Variants in MRAP observed in about 807,000 individuals in gnomAD.
MRAP encodes melanocortin-2 receptor accessory protein.
A neutral mutation model predicts 8.7 loss-of-function variants in MRAP; 8 were observed. The observed-to-expected ratio is 0.92, with a 90% CI of 0.54 to 1.66. The LOEUF is 1.66. Among genes scored for constraint, MRAP ranks in the 40% most tolerant of loss-of-function variants. The probability of loss-of-function intolerance (pLI) is 0.00; values close to 1 mark genes in which losing one functional copy is unlikely to be tolerated. For synonymous variants in MRAP, 95 were observed against 95.5 expected (o/e 1.00, Z 0.03); for missense variants, 237 against 217.1 (o/e 1.09, Z -0.58).
chr21:32,304,425 C>T (rs1164283961), intron 1 of MRAP, among the ~76,000 whole-genome samples: 1 of 151,900 alleles, frequency 6.6e-6, no homozygotes, highest in Non-Finnish European at 1.5e-5. Flanking sequence ...GACCATCCTG[C>T]CCAACATGGT....
chr21:32,298,742 G>C, upstream of MRAP: 1 of 491,172 alleles, frequency 2.0e-6, no homozygotes, highest in Non-Finnish European at 3.8e-6. Flanking sequence ...GTTTTATCAA[G>C]AAGGGGCAGA....
chr21:32,306,966 A>C (rs376050367), intron 2 of MRAP: 3 of 592,470 alleles, frequency 5.1e-6, no homozygotes, highest in East Asian at 3.1e-5. Flanking sequence ...AGTATGTTGC[A>C]GATTTTGCAG....
intron 1 of MRAP, among the ~76,000 whole-genome samples, chr21:32,305,357 G>A (rs1243694936): frequency 1.3e-5 from 2 of 152,054 alleles, no homozygotes; most frequent in African/African-American, 2.4e-5. Context: ...ATCTCTCAGG[G>A]GTCGTAGATG....
downstream of MRAP, chr21:32,314,642 G>T: frequency 1.2e-6 from 2 of 1,614,214 alleles, no homozygotes; most frequent in Non-Finnish European, 1.7e-6. Flanking sequence ...TAGAGAGGAA[G>T]GGGCGGCCTG....
intron 1 of MRAP, among the ~76,000 whole-genome samples, chr21:32,304,435 T>C (rs960758323): frequency 1.3e-5 from 2 of 151,906 alleles, no homozygotes; most frequent in Admixed American, 6.6e-5. Context: ...CCCAACATGG[T>C]GAAACCCCAT....
intron 1 of MRAP, among the ~76,000 whole-genome samples, chr21:32,300,006 G>T (rs1030791797): frequency 2.6e-5 from 4 of 152,208 alleles, no homozygotes; most frequent in African/African-American, 9.6e-5. Flanking sequence ...AGCCTGGGAA[G>T]ATTGGGTCTC....
downstream of MRAP, chr21:32,314,088 C>T (rs1321102936): frequency 6.2e-6 from 1 of 162,492 alleles, no homozygotes; most frequent in Admixed American, 5.9e-5. Context: ...AGTGTAACAT[C>T]CTTTTCTTTA....
At chr21:32,305,849 T>C (rs112546377) in intron 1 of MRAP, among the ~76,000 whole-genome samples, 1,882 of 150,846 alleles carry the variant, frequency 0.012, 36 homozygotes, top group African/African-American at 0.042. Flanking sequence ...CCATAGCAAC[T>C]GGCCTAACAT....
intron 1 of MRAP, among the ~76,000 whole-genome samples, chr21:32,303,889 T>C (rs1483109581): frequency 6.6e-6 from 1 of 152,242 alleles, no homozygotes; most frequent in African/African-American, 2.4e-5. Context: ...AAAATGACTA[T>C]TGGCTGACGA....
In MRAP at chr21:32,311,411, C is replaced by G. The variant is rs1425308065; in HGVS notation, c.207-273C>G. 4 of 273,762 alleles carry G rather than the reference C, an allele frequency of 1.5e-5. No homozygotes were observed. The South Asian group carries it at 2.7e-4, about 19-fold the overall frequency. 17.0% of individuals were successfully genotyped at this position (273,762 alleles called of 1,614,324 possible). On this transcript the variant is annotated intron_variant, in intron 2 of 2. Coordinates refer to ENST00000303645, the MANE Select transcript of MRAP (RefSeq NM_001379228.1). ...GGAGGTCAACCTGCTCCCCTCCACC[C>G]CCCACCCCCCCCATCCTAAATCAAT... is the stretch of plus-strand genomic sequence containing the variant.
At chr21:32,306,364 G>C (rs954334348) in intron 1 of MRAP, 10 of 454,080 alleles carry the variant, frequency 2.2e-5, no homozygotes, top group African/African-American at 4.0e-5. Context: ...CATGGGGTGG[G>C]GGGGCACACA....
intron 1 of MRAP, among the ~76,000 whole-genome samples, chr21:32,300,520 G>C (rs1027083818): frequency 8.7e-5 from 13 of 149,354 alleles, no homozygotes; most frequent in African/African-American, 3.2e-4. Flanking sequence ...CCTATGTCAC[G>C]TCATGCGTCG....
At chr21:32,294,272 A>T (rs977612270), upstream of MRAP, among the ~76,000 whole-genome samples, 1 of 151,738 alleles carries the variant, frequency 6.6e-6, no homozygotes, top group Non-Finnish European at 1.5e-5. Context: ...CTGCCACCAC[A>T]CCTGGCTAAT....
Position 32,306,735 on chromosome 21 carries a change from A to G in MRAP, c.202A>G (p.Met68Val). 1 of 1,613,790 alleles carries G rather than the reference A, an allele frequency of 6.2e-7. No individual in the cohort carries two copies. Among genetic ancestry groups the G allele is most frequent in the East Asian group, 2.2e-5 (1 of 44,864 alleles). The change falls in exon 2 of 3, where the codon ATG (methionine) becomes GTG (valine). Residue 68 changes from methionine (M) to valine (V), a missense_variant. Met to Val is a conservative substitution (Grantham distance 21). Transcript: ENST00000303645. ...LYMSWSASPQ[M>V]RNSPKHHQTC... ...CATGTCCTGGTCCGCCTCCCCGCAG[A>G]TGAGGTGGGTAAGAAGGGGTGTGAG...
upstream of MRAP, among the ~76,000 whole-genome samples, chr21:32,295,204 T>C (rs1365127007): frequency 6.6e-6 from 1 of 152,140 alleles, no homozygotes; most frequent in Non-Finnish European, 1.5e-5. Context: ...GAACGCTTAT[T>C]AGAAAGCTTT....
At chr21:32,306,792 T>C in intron 2 of MRAP, 53 bp downstream of exon 2, 1 of 1,377,728 alleles carries the variant, frequency 7.3e-7, no homozygotes, top group Non-Finnish European at 1.0e-6. Flanking sequence ...CTCCAGTGAG[T>C]AACAGTGCAG....
chr21:32,311,524 A>T, intron 2 of MRAP, 160 bp from the exon 3 acceptor site: 1 of 997,454 alleles, frequency 1.0e-6, no homozygotes, highest in Non-Finnish European at 1.4e-6. Flanking sequence ...TAGAATGGCC[A>T]CCTTTGTGAG....
At chr21:32,312,411 G>C (rs1350406756), downstream of MRAP, 1 of 927,336 alleles carries the variant, frequency 1.1e-6, no homozygotes, top group Admixed American at 4.0e-5. Flanking sequence ...TCCCATCCAA[G>C]CTCCACTAAC....
chr21:32,309,741 G>A (rs990750575), intron 2 of MRAP, among the ~76,000 whole-genome samples: 1 of 149,948 alleles, frequency 6.7e-6, no homozygotes, highest in Non-Finnish European at 1.5e-5. Context: ...TCAGGAGTTC[G>A]AGACTGGCCT....
Sources: allele counts gnomAD v4.1 joint callset (sites outside exome capture counted in the v4.1 genomes callset), GRCh38; gene constraint gnomAD v4.1.1; transcripts MANE v1.5; gene names NCBI Gene and HGNC (gene_info 2026-07-23, HGNC 2026-07-21).